Variants in KLHDC10 observed in about 807,000 individuals in gnomAD.
KLHDC10 encodes kelch domain containing 10.
Under a neutral mutation model 56.1 loss-of-function variants are expected in KLHDC10, and 24 were observed. The ratio of observed to expected loss-of-function variants is 0.43; its 90% CI spans 0.31 to 0.60. The LOEUF (loss-of-function observed/expected upper bound fraction) is 0.60. Ranked by LOEUF, KLHDC10 falls within the 20% of genes least tolerant of loss-of-function variation. The pLI is 0.11. For missense variants in KLHDC10, 349 were observed against 567.0 expected, an observed-to-expected ratio of 0.62 and a Z score of 3.91; for synonymous variants, 188 against 207.1, an observed-to-expected ratio of 0.91 and a Z score of 0.79.
chr7:130,073,656 C>A (rs920580346), intron 1 of KLHDC10, among the ~76,000 whole-genome samples: 14 of 152,104 alleles, frequency 9.2e-5, no homozygotes, highest in Non-Finnish European at 1.9e-4. Context: ...ATACTTAGAA[C>A]CTTTTCTTAC....
intron 2 of KLHDC10, among the ~76,000 whole-genome samples, chr7:130,111,092 G>C (rs778484680): frequency 1.1e-4 from 17 of 152,240 alleles, no homozygotes; most frequent in Non-Finnish European, 2.2e-4. Flanking sequence ...TTTCAAATAA[G>C]TATAGGAGGG....
chr7:130,078,033 A>G (rs186287551), intron 1 of KLHDC10, among the ~76,000 whole-genome samples: 2 of 152,106 alleles, frequency 1.3e-5, no homozygotes, highest in African/African-American at 2.4e-5. Flanking sequence ...TCATTACTGA[A>G]TAATGATAAT....
intron 2 of KLHDC10, among the ~76,000 whole-genome samples, chr7:130,100,121 A>C (rs1250063545): frequency 6.6e-6 from 1 of 151,778 alleles, no homozygotes; most frequent in African/African-American, 2.4e-5. Flanking sequence ...AAAAAAAAAA[A>C]GTAGAGAATT....
At chr7:130,127,818 T>C (rs1796333468) in intron 8 of KLHDC10, among the ~76,000 whole-genome samples, 1 of 152,216 alleles carries the variant, frequency 6.6e-6, no homozygotes, top group Non-Finnish European at 1.5e-5. Flanking sequence ...AAAATTGTAA[T>C]AACTCCTTCA....
chr7:130,104,925 T>G (rs1490653025), intron 2 of KLHDC10, among the ~76,000 whole-genome samples: 1 of 152,162 alleles, frequency 6.6e-6, no homozygotes, highest in Admixed American at 6.5e-5. Flanking sequence ...ACATGAGATT[T>G]GGGCGGGGAC....
At chr7:130,097,101 C>A in intron 2 of KLHDC10, 94 bp downstream of exon 2, 3 of 785,286 alleles carry the variant, frequency 3.8e-6, no homozygotes, top group Non-Finnish European at 6.1e-6. Flanking sequence ...TTTTAAAAAT[C>A]ATCTAAACAG....
At chr7:130,127,705 G>C (rs1204122034) in intron 8 of KLHDC10, among the ~76,000 whole-genome samples, 2 of 152,188 alleles carry the variant, frequency 1.3e-5, no homozygotes, top group African/African-American at 4.8e-5. Flanking sequence ...TGTAGCACTT[G>C]ATCTTTCAGC....
chr7:130,107,843 C>CAAAAAAAAAAAAAAAAAAAAAA (rs3043725), intron 2 of KLHDC10, among the ~76,000 whole-genome samples: 1 of 26,036 alleles, frequency 3.8e-5, no homozygotes, highest in Non-Finnish European at 5.7e-5. Flanking sequence ...GACTCCGTCT[C>CAAAAAAAAAAAAAAAAAAAAAA]AAAAAAAAAA....
chr7:130,103,253 G>A (rs1795959046), intron 2 of KLHDC10, among the ~76,000 whole-genome samples: 1 of 151,988 alleles, frequency 6.6e-6, no homozygotes, highest in Non-Finnish European at 1.5e-5. Flanking sequence ...GTGAAACCCT[G>A]TCTCTGCTAA....
At chr7:130,100,918 A>G (rs538572592) in intron 2 of KLHDC10, among the ~76,000 whole-genome samples, 1 of 152,128 alleles carries the variant, frequency 6.6e-6, no homozygotes, top group African/African-American at 2.4e-5. Flanking sequence ...GACTTAACAT[A>G]CCCATTTACT....
At chr7:130,077,641 C>T (rs190489942) in intron 1 of KLHDC10, among the ~76,000 whole-genome samples, 5,729 of 148,798 alleles carry the variant, frequency 0.039, 133 homozygotes, top group South Asian at 0.09. Flanking sequence ...CTGCAAGCTC[C>T]GCCTCCCGGG....
intron 2 of KLHDC10, among the ~76,000 whole-genome samples, chr7:130,105,866 A>T (rs1177575541): frequency 6.6e-6 from 1 of 152,142 alleles, no homozygotes; most frequent in Non-Finnish European, 1.5e-5. Flanking sequence ...TTGTACATTT[A>T]AGGCCGGGCG....
intron 1 of KLHDC10, among the ~76,000 whole-genome samples, chr7:130,095,138 C>G (rs1019234213): frequency 6.6e-6 from 1 of 151,964 alleles, no homozygotes; most frequent in African/African-American, 2.4e-5. Context: ...GGAGTCATCT[C>G]AACACATACT....
At chr7:130,103,082 A>G (rs942603554) in intron 2 of KLHDC10, among the ~76,000 whole-genome samples, 1 of 152,174 alleles carries the variant, frequency 6.6e-6, no homozygotes, top group African/African-American at 2.4e-5. Flanking sequence ...TACCCATTTC[A>G]CAGGAGTTAC....
intron 1 of KLHDC10, among the ~76,000 whole-genome samples, chr7:130,086,744 A>G (rs1054045541): frequency 7.2e-5 from 11 of 152,188 alleles, no homozygotes; most frequent in Admixed American, 2.0e-4. Context: ...CAGCCACCCA[A>G]TTGATGGATA....
chr7:130,087,506 A>G (rs1284083846), intron 1 of KLHDC10, among the ~76,000 whole-genome samples: 7 of 152,260 alleles, frequency 4.6e-5, no homozygotes, highest in African/African-American at 1.7e-4. Flanking sequence ...GTGAAGTGAA[A>G]TTAGAAGTAT....
intron 1 of KLHDC10, among the ~76,000 whole-genome samples, chr7:130,073,738 C>G (rs1269821852): frequency 2.6e-5 from 4 of 152,188 alleles, no homozygotes; most frequent in Non-Finnish European, 5.9e-5. Context: ...CTGGAGTGTT[C>G]TCATTCTCTT....
At chr7:130,107,163 G>A (rs1796019101) in intron 2 of KLHDC10, among the ~76,000 whole-genome samples, 1 of 152,082 alleles carries the variant, frequency 6.6e-6, no homozygotes, top group Non-Finnish European at 1.5e-5. Flanking sequence ...AACCTTACCA[G>A]TGTCCTCATT....
intron 2 of KLHDC10, among the ~76,000 whole-genome samples, chr7:130,108,918 T>G (rs1010881355): frequency 1.3e-5 from 2 of 152,130 alleles, no homozygotes; most frequent in African/African-American, 4.8e-5. Flanking sequence ...TGTCTTGCTC[T>G]CTCTCTCTTT....
Sources: gnomAD v4.1 joint callset for allele counts (sites outside exome capture counted in the v4.1 genomes callset) on GRCh38, gnomAD v4.1.1 for gene constraint, MANE v1.5 for transcripts, NCBI Gene and HGNC (gene_info 2026-07-23, HGNC 2026-07-21) for gene names.